The following ANO10 variants were observed in gnomAD, a reference collection of about 807,000 sequenced individuals.
The protein encoded by ANO10 is anoctamin-10.
A neutral mutation model predicts 74.7 loss-of-function variants in ANO10; 77 were observed. The ratio of observed to expected loss-of-function variants is 1.03; its 90% CI spans 0.86 to 1.25. The LOEUF is 1.25. ANO10 is among the 50% of genes most tolerant of loss of function. ANO10 has a pLI of 0.00. For missense variants in ANO10, 721 were observed against 778.1 expected (o/e 0.93, Z 0.87); for synonymous variants, 279 against 284.9 (o/e 0.98, Z 0.21).
At chr3:43,443,187 A>G (rs1240455802) in intron 11 of ANO10, among the ~76,000 whole-genome samples, 1 of 152,156 alleles carries the variant, frequency 6.6e-6, no homozygotes, top group Non-Finnish European at 1.5e-5. Context: ...AATATCACAA[A>G]AGGCCTAGGC....
intron 1 of ANO10, chr3:43,690,667 A>G: frequency 3.1e-6 from 1 of 326,822 alleles, no homozygotes; most frequent in Non-Finnish European, 5.6e-6. Flanking sequence ...TGATGCATGA[A>G]TACAGTCATT....
rs1303418747 is a variant in ANO10, at chr3:43,643,680, TTTC to T, written c.-11-37820_-11-37818del. 4.0e-4 allele frequency among the ~76,000 whole-genome samples: 57 copies of T among 141,234 alleles called. 3 individuals are homozygous for T. Among genetic ancestry groups the T allele is most frequent in the African/African-American group, 1.6e-3 (55 of 34,152 alleles). The allele number at this position is 141,234 out of a possible 152,430, so 92.7% of individuals were successfully genotyped here. On this transcript the variant is annotated intron_variant, in intron 1 of 3. Transcript: ENST00000413397. ...GCTTTTCATGTACTTGTCCTCATCT[TTTC>T]TTTTTTTTTTTTTTTTTTTAGATGG...
At chr3:43,461,015 T>C (rs867257724) in intron 11 of ANO10, among the ~76,000 whole-genome samples, 1 of 141,024 alleles carries the variant, frequency 7.1e-6, no homozygotes, top group African/African-American at 2.6e-5. Context: ...CAGGAAAAAA[T>C]GAAGAAAATA....
At chr3:43,626,700 C>T (rs374006057), upstream of ANO10, among the ~76,000 whole-genome samples, 20 of 152,188 alleles carry the variant, frequency 1.3e-4, no homozygotes, top group South Asian at 2.3e-3. Flanking sequence ...CACATTTTTC[C>T]AACCCCATTT....
intron 1 of ANO10, among the ~76,000 whole-genome samples, chr3:43,632,800 C>T (rs1451766878): frequency 6.6e-6 from 1 of 152,192 alleles, no homozygotes; most frequent in Non-Finnish European, 1.5e-5. Flanking sequence ...TTTGATTTTT[C>T]ATGTTTGGAC....
In ANO10 at chr3:43,680,552, C is replaced by T. The variant is rs534798449; in HGVS notation, c.-12+10965G>A. ...AACTTCCCCAGTCTAGCAAGGCAGG[C>T]CAATATTCAAATTCAGGAAATACAG... On this transcript the variant is annotated intron_variant, in intron 1 of 3. Coordinates refer to the ANO10 transcript ENST00000413397. Among the ~76,000 whole-genome samples the T allele has an allele frequency of 5.8e-4, 88 of 152,192 alleles. 1 individual carries two copies. Among genetic ancestry groups the T allele is most frequent in the African/African-American group, 2.0e-3 (85 of 41,516 alleles).
intron 11 of ANO10, among the ~76,000 whole-genome samples, chr3:43,443,295 A>G (rs2093188567): frequency 1.3e-5 from 2 of 152,372 alleles, no homozygotes; most frequent in South Asian, 4.1e-4. Context: ...CTTTGCTGAA[A>G]AAACAACTCA....
At chr3:43,587,640 T>C (rs1006255376) in intron 4 of ANO10, among the ~76,000 whole-genome samples, 1 of 152,056 alleles carries the variant, frequency 6.6e-6, no homozygotes, top group African/African-American at 2.4e-5. Context: ...AGAAAAGTAA[T>C]AGACTTTGGG....
chr3:43,669,171 A>C (rs1197847236), intron 1 of ANO10, among the ~76,000 whole-genome samples: 2 of 151,960 alleles, frequency 1.3e-5, no homozygotes, highest in Admixed American at 6.6e-5. Context: ...CCCTTCCCCC[A>C]GGTCAATTAG....
At chr3:43,524,468 A>C (rs73832612) in intron 11 of ANO10, among the ~76,000 whole-genome samples, 5,217 of 152,180 alleles carry the variant, frequency 0.034, 289 homozygotes, top group African/African-American at 0.12. Context: ...CCACAGCAGT[A>C]ATCTGGCCTG....
chr3:43,646,488 G>A (rs565909841), intron 1 of ANO10, among the ~76,000 whole-genome samples: 2 of 152,294 alleles, frequency 1.3e-5, no homozygotes, highest in African/African-American at 4.8e-5. Context: ...AGCCTTAGAA[G>A]ACAGAGCCAT....
At chr3:43,464,124 T>C (rs746294605) in intron 11 of ANO10, among the ~76,000 whole-genome samples, 5 of 152,136 alleles carry the variant, frequency 3.3e-5, no homozygotes, top group Admixed American at 1.3e-4. Context: ...CTTTTGTAAA[T>C]TGCCCAATGT....
chr3:43,409,161 C>T (rs2092624929), intron 12 of ANO10, among the ~76,000 whole-genome samples: 1 of 152,222 alleles, frequency 6.6e-6, no homozygotes, highest in African/African-American at 2.4e-5. Flanking sequence ...CACATTATCA[C>T]TACCACTACT....
chr3:43,605,921 T>G (rs936794250), intron 1 of ANO10, 58 bp from the exon 2 acceptor site: 5 of 1,565,156 alleles, frequency 3.2e-6, no homozygotes, highest in Non-Finnish European at 4.4e-6. Flanking sequence ...AAGAGAAATA[T>G]GCTATAGACT....
chr3:43,426,011 G>A (rs1404065223), intron 12 of ANO10, among the ~76,000 whole-genome samples: 2 of 152,152 alleles, frequency 1.3e-5, no homozygotes, highest in Admixed American at 1.3e-4. Context: ...CTTAACTCAG[G>A]CATTTCCTTC....
At chr3:43,411,497 G>A (rs941034609) in intron 12 of ANO10, among the ~76,000 whole-genome samples, 5 of 152,194 alleles carry the variant, frequency 3.3e-5, no homozygotes, top group African/African-American at 7.2e-5. Context: ...AGAATATTAG[G>A]AGAGTGGAGC....
intron 12 of ANO10, among the ~76,000 whole-genome samples, chr3:43,410,554 C>A (rs1038544949): frequency 1.3e-5 from 2 of 152,120 alleles, no homozygotes; most frequent in Non-Finnish European, 2.9e-5. Context: ...GCAATGGAAC[C>A]TTTTATGACT....
In ANO10 at chr3:43,484,958, CAAGGGCCCTGCACCTAGAAGAA is replaced by C. The variant is rs1416923911; in HGVS notation, c.1798-52253_1798-52232del. On this transcript the variant is annotated intron_variant, in intron 11 of 12. Coordinates refer to ENST00000292246, the MANE Select transcript of ANO10 (RefSeq NM_018075.5). Reference sequence around the variant, plus strand: ...TGAGTTTATTTGGGGCCCACCCAGGCAAGGGCCCTGCACCTAGAAGAAGGTGTTGGGCCTCTTGGTGGTGAGG... The same window carrying C: ...TGAGTTTATTTGGGGCCCACCCAGGCGGTGTTGGGCCTCTTGGTGGTGAGG... 2.5e-6 allele frequency: 3 copies of C among 1,200,442 alleles called. No individual in the cohort carries two copies. The African/African-American group carries it at 4.6e-5, about 18-fold the overall frequency. 74.4% of individuals were successfully genotyped at this position (1,200,442 alleles called of 1,614,324 possible).
At chr3:43,410,434 A>G (rs1366183306) in intron 12 of ANO10, among the ~76,000 whole-genome samples, 1 of 152,052 alleles carries the variant, frequency 6.6e-6, no homozygotes, top group Non-Finnish European at 1.5e-5. Flanking sequence ...GTGATTTTAA[A>G]TGTCCTATTA....
Sources: allele counts gnomAD v4.1 joint callset (sites outside exome capture counted in the v4.1 genomes callset), GRCh38; gene constraint gnomAD v4.1.1; transcripts MANE v1.5; gene names NCBI Gene and HGNC (gene_info 2026-07-23, HGNC 2026-07-21).